Variants in TMCC1 observed in about 807,000 individuals in gnomAD.
TMCC1 encodes transmembrane and coiled-coil domain family 1.
In TMCC1, 15 loss-of-function variants were observed where a neutral mutation model predicts 52.4. The ratio of observed to expected loss-of-function variants is 0.29; its 90% CI spans 0.19 to 0.44. The LOEUF (loss-of-function observed/expected upper bound fraction) is 0.44. Ranked by LOEUF, TMCC1 falls within the 20% of genes least tolerant of loss-of-function variation. TMCC1 has a pLI of 1.00. For missense variants in TMCC1, 503 were observed against 806.0 expected (o/e 0.62, Z 4.55); for synonymous variants, 279 against 301.9 (o/e 0.92, Z 0.79).
intron 4 of TMCC1, among the ~76,000 whole-genome samples, chr3:129,757,288 A>G (rs1389394750): frequency 6.6e-6 from 1 of 150,832 alleles, no homozygotes; most frequent in Non-Finnish European, 1.5e-5. Context: ...CTTCTCTCTT[A>G]CTCCCCTATC....
intron 4 of TMCC1, among the ~76,000 whole-genome samples, chr3:129,815,075 A>G (rs1453984954): frequency 6.6e-6 from 1 of 152,126 alleles, no homozygotes; most frequent in Non-Finnish European, 1.5e-5. Flanking sequence ...CATTTATAGA[A>G]CACTTCACCC....
chr3:129,797,391 A>C (rs2056903887), intron 4 of TMCC1, among the ~76,000 whole-genome samples: 1 of 152,016 alleles, frequency 6.6e-6, no homozygotes. Context: ...CATCAAATTC[A>C]AACAAATAAT....
At chr3:129,849,749 G>A (rs2059828079) in intron 2 of TMCC1, among the ~76,000 whole-genome samples, 1 of 151,562 alleles carries the variant, frequency 6.6e-6, no homozygotes, top group Non-Finnish European at 1.5e-5. Flanking sequence ...TTGGGCAACA[G>A]AGCGAGACTC....
At chr3:129,849,531 G>A (rs921218974) in intron 2 of TMCC1, among the ~76,000 whole-genome samples, 2 of 150,338 alleles carry the variant, frequency 1.3e-5, no homozygotes, top group African/African-American at 4.9e-5. Context: ...TCGGGAGGCT[G>A]AGGAGGGAGG....
intron 2 of TMCC1, among the ~76,000 whole-genome samples, chr3:129,858,382 GTTTTTTTTGAGA>G (rs2060238130): frequency 6.6e-6 from 1 of 152,016 alleles, no homozygotes; most frequent in Non-Finnish European, 1.5e-5. Context: ...TACATTTTTG[GTTTTTTTTGAGA>G]CAGTGTCACT....
chr3:129,887,128 G>A lies in TMCC1; in HGVS notation c.-435+6366C>T, dbSNP rs375874815. On this transcript the variant is annotated intron_variant, in intron 1 of 6. Coordinates refer to ENST00000393238, the MANE Select transcript of TMCC1 (RefSeq NM_001017395.5). Reference sequence around the variant, plus strand: ...TGAAAATGTTCTAGAGTTTGGCAGCGGTGGTGGCTGCACATGTTACACTGT... The same window carrying A: ...TGAAAATGTTCTAGAGTTTGGCAGCAGTGGTGGCTGCACATGTTACACTGT... Among the ~76,000 whole-genome samples the A allele has an allele frequency of 5.3e-5, 8 of 152,192 alleles. No homozygotes were observed. The East Asian group carries it at 1.3e-3, about 26-fold the overall frequency.
intron 4 of TMCC1, among the ~76,000 whole-genome samples, chr3:129,784,718 C>T (rs1033326640): frequency 2.6e-5 from 4 of 151,884 alleles, no homozygotes; most frequent in Non-Finnish European, 1.5e-5. Context: ...CTTGTAATCC[C>T]AGCACTTTGG....
Position 129,844,112 on chromosome 3 carries a change from A to G in TMCC1, c.-183-11286T>C, listed in dbSNP as rs566254759. ...GTAGTTCACCATACTAAGAAACTAA[A>G]TAAGAAAACCATGTGATCATAACAA... On this transcript the variant is annotated intron_variant, in intron 2 of 6. Coordinates refer to ENST00000393238, the MANE Select transcript of TMCC1 (RefSeq NM_001017395.5). Among the ~76,000 whole-genome samples, 4 of 152,330 alleles carry G rather than the reference A, an allele frequency of 2.6e-5. No individual in the cohort carries two copies. The South Asian group carries it at 8.3e-4, about 32-fold the overall frequency.
chr3:129,870,678 G>A (rs2060871365), intron 2 of TMCC1, among the ~76,000 whole-genome samples: 1 of 134,680 alleles, frequency 7.4e-6, no homozygotes, highest in African/African-American at 2.7e-5. Flanking sequence ...GGCGGAGGTT[G>A]CAGTGAGCCC....
At chr3:129,679,878 G>T (rs1576421912) in intron 4 of TMCC1, among the ~76,000 whole-genome samples, 1 of 151,442 alleles carries the variant, frequency 6.6e-6, no homozygotes. Context: ...GTATTTTTTG[G>T]GTGTGCTATG....
chr3:129,800,167 G>A (rs528188546), intron 4 of TMCC1, among the ~76,000 whole-genome samples: 41 of 152,278 alleles, frequency 2.7e-4, no homozygotes, highest in African/African-American at 9.6e-4. Flanking sequence ...ATGCAGTTGT[G>A]TGTAACAGTT....
chr3:129,778,743 T>C (rs1039871468), intron 4 of TMCC1, among the ~76,000 whole-genome samples: 2 of 152,218 alleles, frequency 1.3e-5, no homozygotes, highest in African/African-American at 4.8e-5. Context: ...TGGTTTTATA[T>C]GAGGCTTTTC....
At chr3:129,813,254 G>A (rs1252298224) in intron 4 of TMCC1, among the ~76,000 whole-genome samples, 1 of 152,166 alleles carries the variant, frequency 6.6e-6, no homozygotes, top group African/African-American at 2.4e-5. Context: ...GCAGTCTGGC[G>A]ATTTCTCAAA....
At chr3:129,844,273 T>TA (rs1242468744) in intron 2 of TMCC1, among the ~76,000 whole-genome samples, 1 of 151,940 alleles carries the variant, frequency 6.6e-6, no homozygotes, top group Non-Finnish European at 1.5e-5. Flanking sequence ...TATAAAAAGC[T>TA]AAAAAATCGA....
At chr3:129,667,810 T>C (rs1301336237) in intron 5 of TMCC1, among the ~76,000 whole-genome samples, 2 of 152,222 alleles carry the variant, frequency 1.3e-5, no homozygotes, top group Admixed American at 6.5e-5. Context: ...CTTGACTTTC[T>C]ACATCTTGAC....
At chr3:129,689,939 T>C (rs1241651034) in intron 4 of TMCC1, among the ~76,000 whole-genome samples, 1 of 152,228 alleles carries the variant, frequency 6.6e-6, no homozygotes, top group African/African-American at 2.4e-5. Flanking sequence ...ACAAAAACCC[T>C]AATCCTGTAC....
chr3:129,716,061 G>A (rs1439182403), intron 4 of TMCC1, among the ~76,000 whole-genome samples: 1 of 152,108 alleles, frequency 6.6e-6, no homozygotes, highest in Admixed American at 6.6e-5. Flanking sequence ...TCTCCCACCA[G>A]GAGACTGCCT....
chr3:129,818,245 G>T (rs777584856), intron 4 of TMCC1, among the ~76,000 whole-genome samples: 3 of 151,782 alleles, frequency 2.0e-5, no homozygotes, highest in Non-Finnish European at 4.4e-5. Context: ...ACCTGGCTGG[G>T]AATTATTTTT....
chr3:129,880,649 T>A (rs928295604), intron 1 of TMCC1, 90 bp from the exon 2 acceptor site: 1 of 152,140 alleles, frequency 6.6e-6, no homozygotes, highest in Non-Finnish European at 1.5e-5. Context: ...CATCCCAACT[T>A]TGAAAGGCCA....
Sources: allele counts gnomAD v4.1 joint callset (sites outside exome capture counted in the v4.1 genomes callset), GRCh38; gene constraint gnomAD v4.1.1; transcripts MANE v1.5; gene names NCBI Gene and HGNC (gene_info 2026-07-23, HGNC 2026-07-21).